The following PLCE1 variants were observed in gnomAD, a reference collection of about 807,000 sequenced individuals.
PLCE1 encodes the protein phospholipase C epsilon 1, also known as 1-phosphatidylinositol 4,5-bisphosphate phosphodiesterase epsilon-1.
A neutral mutation model predicts 242.8 loss-of-function variants in PLCE1; 119 were observed. That is an observed-to-expected ratio of 0.49 (90% CI 0.42 to 0.57). The LOEUF (loss-of-function observed/expected upper bound fraction) is 0.57. Ranked by LOEUF, PLCE1 falls within the 20% of genes least tolerant of loss-of-function variation. The pLI is 0.00. For synonymous variants in PLCE1, 945 were observed against 1,017.4 expected (o/e 0.93, Z 1.35); for missense variants, 2,441 against 2,788.8 (o/e 0.88, Z 2.81).
intron 2 of PLCE1, among the ~76,000 whole-genome samples, chr10:94,059,646 GT>G (rs1260565792): frequency 1.3e-5 from 2 of 152,194 alleles, no homozygotes; most frequent in African/African-American, 2.4e-5. Context: ...GAAAATCACA[GT>G]TGCTTTGCAT....
At chr10:94,321,856 T>G (rs764845081) in intron 29 of PLCE1, 45 bp from the exon 30 acceptor site, 1 of 1,460,126 alleles carries the variant, frequency 6.8e-7, no homozygotes, top group Non-Finnish European at 9.6e-7. Context: ...TTCTTTATTC[T>G]GCATAAACCT....
chr10:94,169,265 T>A (rs560392243), intron 3 of PLCE1, among the ~76,000 whole-genome samples: 1 of 152,328 alleles, frequency 6.6e-6, no homozygotes, highest in South Asian at 2.1e-4. Context: ...TTACCTGGTA[T>A]AGAAGGACAT....
intron 1 of PLCE1, among the ~76,000 whole-genome samples, chr10:94,021,195 C>T (rs2061370881): frequency 6.7e-6 from 1 of 149,226 alleles, no homozygotes; most frequent in South Asian, 2.1e-4. Flanking sequence ...TGAATATTTT[C>T]TCCCGGTCTG....
At chr10:94,098,106 A>G (rs1564685408) in intron 2 of PLCE1, among the ~76,000 whole-genome samples, 1 of 152,230 alleles carries the variant, frequency 6.6e-6, no homozygotes, top group Non-Finnish European at 1.5e-5. Context: ...AAGTACATTT[A>G]GGACCCTTAG....
chr10:94,098,074 G>C (rs2045381457), intron 2 of PLCE1, among the ~76,000 whole-genome samples: 1 of 152,202 alleles, frequency 6.6e-6, no homozygotes, highest in Non-Finnish European at 1.5e-5. Context: ...CCTCACAACA[G>C]CTGCTTAGCC....
chr10:94,238,482 T>C (rs2050395404), intron 7 of PLCE1, among the ~76,000 whole-genome samples: 1 of 152,178 alleles, frequency 6.6e-6, no homozygotes, highest in Non-Finnish European at 1.5e-5. Flanking sequence ...CTAAAATGCT[T>C]AAGGCATTTC....
At chr10:94,048,699 A>C (rs960086940) in intron 2 of PLCE1, among the ~76,000 whole-genome samples, 1 of 145,618 alleles carries the variant, frequency 6.9e-6, no homozygotes, top group Admixed American at 7.0e-5. Context: ...AAATAATATA[A>C]ATATATATTA....
At chr10:94,101,393 CAG>C (rs898395754) in intron 2 of PLCE1, among the ~76,000 whole-genome samples, 2 of 152,092 alleles carry the variant, frequency 1.3e-5, no homozygotes, top group African/African-American at 4.8e-5. Context: ...AAAATGGAAA[CAG>C]AGACAGAACC....
At chr10:94,157,822 T>A (rs1421027212) in intron 3 of PLCE1, among the ~76,000 whole-genome samples, 1 of 152,156 alleles carries the variant, frequency 6.6e-6, no homozygotes, top group African/African-American at 2.4e-5. Context: ...TTCGAGTCAG[T>A]GTAGGCTGGT....
chr10:94,088,485 A>G (rs2044931903), intron 2 of PLCE1, among the ~76,000 whole-genome samples: 1 of 152,306 alleles, frequency 6.6e-6, no homozygotes, highest in Admixed American at 6.5e-5. Flanking sequence ...GGACCACAAG[A>G]TCCTAAAGTA....
intron 20 of PLCE1, among the ~76,000 whole-genome samples, chr10:94,282,622 G>C (rs2052280758): frequency 6.6e-6 from 1 of 152,122 alleles, no homozygotes. Context: ...GCTAGTCCTT[G>C]CATTGTTCCA....
chr10:94,097,371 G>A (rs768491530), intron 2 of PLCE1, among the ~76,000 whole-genome samples: 2 of 152,004 alleles, frequency 1.3e-5, no homozygotes, highest in Non-Finnish European at 2.9e-5. Flanking sequence ...CACATCAAGG[G>A]GGAAAAAATG....
intron 2 of PLCE1, among the ~76,000 whole-genome samples, chr10:94,075,167 G>A (rs973754466): frequency 6.6e-6 from 1 of 152,026 alleles, no homozygotes; most frequent in East Asian, 1.9e-4. Flanking sequence ...CTCTCCTCTC[G>A]GTTCTGTAGT....
At chr10:94,199,200 T>A (rs138803375) in intron 4 of PLCE1, among the ~76,000 whole-genome samples, 2,128 of 152,368 alleles carry the variant, frequency 0.014, 30 homozygotes, top group South Asian at 0.03. Context: ...CATTATTAAT[T>A]GGCCACTAAA....
chr10:94,014,563 T>A (rs1371747225), intron 1 of PLCE1, among the ~76,000 whole-genome samples: 1 of 152,204 alleles, frequency 6.6e-6, no homozygotes, highest in Non-Finnish European at 1.5e-5. Context: ...ACATTTACAT[T>A]GTTTTGCAAT....
intron 2 of PLCE1, among the ~76,000 whole-genome samples, chr10:94,102,463 G>A (rs1422595261): frequency 6.6e-6 from 1 of 152,204 alleles, no homozygotes; most frequent in African/African-American, 2.4e-5. Flanking sequence ...ATATTAAAAT[G>A]ATACCTTTGT....
At chr10:94,178,517 T>C (rs1318492034) in intron 4 of PLCE1, among the ~76,000 whole-genome samples, 3 of 152,242 alleles carry the variant, frequency 2.0e-5, no homozygotes, top group African/African-American at 7.2e-5. Context: ...TGCTTGTTCC[T>C]TCTGTCCAGT....
rs374899830 is a variant in PLCE1, at chr10:94,236,171, G to A, written c.2420+51G>A. 18 of 1,472,020 alleles carry A rather than the reference G, an allele frequency of 1.2e-5. No homozygotes were observed. In the East Asian group the frequency reaches 3.3e-4, roughly 27 times the overall value. 91.2% of individuals were successfully genotyped at this position (1,472,020 alleles called of 1,614,324 possible). On this transcript the variant is annotated intron_variant, in intron 7 of 32. Transcript: ENST00000371380. The stretch of plus-strand genomic sequence containing the variant: ...GAATGCTCATCTCTTCTTTTTTCCT[G>A]TTGATGAGTTGTTTCCTACTTCAGC...
At chr10:94,100,634 C>G (rs1432146024) in intron 2 of PLCE1, 1 of 152,120 alleles carries the variant, frequency 6.6e-6, no homozygotes, top group African/African-American at 2.4e-5. Flanking sequence ...GAAGGTGATG[C>G]AGAGGTGGGA....
Sources: gnomAD v4.1 joint callset for allele counts (sites outside exome capture counted in the v4.1 genomes callset) on GRCh38, gnomAD v4.1.1 for gene constraint, MANE v1.5 for transcripts, NCBI Gene and HGNC (gene_info 2026-07-23, HGNC 2026-07-21) for gene names.